The following IKZF1 variants were observed in gnomAD, a reference collection of about 807,000 sequenced individuals.
IKZF1 encodes IKAROS family zinc finger 1.
Under a neutral mutation model 51.7 loss-of-function variants are expected in IKZF1, and 10 were observed. The ratio of observed to expected loss-of-function variants is 0.19; its 90% CI spans 0.12 to 0.33. IKZF1 has a LOEUF of 0.33. Ranked by LOEUF, IKZF1 falls within the 10% of genes least tolerant of loss-of-function variation. IKZF1 has a pLI of 1.00. For missense variants in IKZF1, 484 were observed against 707.5 expected (o/e 0.68, Z 3.58); for synonymous variants, 280 against 282.3 (o/e 0.99, Z 0.08).
chr7:50,399,094 C>T (rs1049821847), intron 7 of IKZF1, among the ~76,000 whole-genome samples: 2 of 152,160 alleles, frequency 1.3e-5, no homozygotes, highest in African/African-American at 2.4e-5. Context: ...ACTGCTGAGG[C>T]GTCAACAGTA....
intron 3 of IKZF1, among the ~76,000 whole-genome samples, chr7:50,338,116 A>G (rs1798220819): frequency 6.6e-6 from 1 of 152,230 alleles, no homozygotes; most frequent in Non-Finnish European, 1.5e-5. Flanking sequence ...ATTGGACCAG[A>G]AAGGTTGAAA....
Position 50,401,132 on chromosome 7 carries a change from C to G in IKZF1, c.*505C>G. On this transcript the variant is annotated 3_prime_UTR_variant, in exon 8 of 8. Transcript: ENST00000331340. ...GTGTGCCGCCACCCAAGTGCCAAGA[C>G]ACAGCAGGGCCAACAACCTGTGCCC... is the stretch of plus-strand genomic sequence containing the variant. The G allele has an allele frequency of 4.0e-6, 1 of 248,832 alleles. No homozygotes were observed. The highest frequency in any genetic ancestry group is 7.7e-6 in the Non-Finnish European group (1 of 129,542). The allele number at this position is 248,832 out of a possible 1,614,324, so 15.4% of individuals were successfully genotyped here. A position where few individuals can be genotyped will look rare whatever the true frequency, so the allele number is the denominator to read the frequency against.
At chr7:50,366,230 C>T (rs1182603187) in intron 3 of IKZF1, among the ~76,000 whole-genome samples, 6 of 151,950 alleles carry the variant, frequency 3.9e-5, no homozygotes, top group Non-Finnish European at 7.4e-5. Flanking sequence ...ATAACAAACC[C>T]GCACATGTAC....
In IKZF1 at chr7:50,317,225, T is replaced by G. The variant is rs1314249307; in HGVS notation, c.-14-1823T>G. Among the ~76,000 whole-genome samples, 3 of 152,376 alleles carry G rather than the reference T, an allele frequency of 2.0e-5. No individual in the cohort carries two copies. The East Asian group carries it at 5.8e-4, about 29-fold the overall frequency. ...ATAGTTGCTGTGACAAGATTTAACT[T>G]CTGTATGCTTCACCAATCAATACAG... On this transcript the variant is annotated intron_variant, in intron 1 of 7. Transcript: ENST00000331340.
At chr7:50,323,118 G>A (rs1259013741) in intron 2 of IKZF1, among the ~76,000 whole-genome samples, 2 of 152,128 alleles carry the variant, frequency 1.3e-5, no homozygotes, top group Non-Finnish European at 2.9e-5. Flanking sequence ...AAATCACATT[G>A]ATTAAATGCT....
intron 2 of IKZF1, among the ~76,000 whole-genome samples, chr7:50,324,149 T>G (rs1794202888): frequency 6.6e-6 from 1 of 152,208 alleles, no homozygotes; most frequent in African/African-American, 2.4e-5. Flanking sequence ...TGGTTTAAAA[T>G]CAGTGCATAA....
intron 3 of IKZF1, among the ~76,000 whole-genome samples, chr7:50,349,140 C>T (rs1008513998): frequency 2.6e-5 from 4 of 152,232 alleles, no homozygotes; most frequent in Non-Finnish European, 5.9e-5. Context: ...GTCATTACCA[C>T]TGTCTAGTGT....
At chr7:50,369,881 A>G (rs1292494842) in intron 3 of IKZF1, among the ~76,000 whole-genome samples, 1 of 152,166 alleles carries the variant, frequency 6.6e-6, no homozygotes, top group Admixed American at 6.5e-5. Flanking sequence ...CTAATAATAT[A>G]CCCTAGTGGG....
intron 3 of IKZF1, among the ~76,000 whole-genome samples, chr7:50,364,897 G>A (rs983562496): frequency 6.6e-6 from 1 of 152,216 alleles, no homozygotes; most frequent in African/African-American, 2.4e-5. Flanking sequence ...AGGGCTAAGA[G>A]GTGTAGCAGT....
intron 3 of IKZF1, among the ~76,000 whole-genome samples, chr7:50,344,859 G>T (rs1048182133): frequency 3.9e-5 from 6 of 152,174 alleles, no homozygotes; most frequent in South Asian, 4.2e-4. Flanking sequence ...AGTAAGAGAT[G>T]AAAATACTTA....
rs776947333 is a variant in IKZF1 at position 50,327,699 on chromosome 7, C to G, written c.102C>G (p.Pro34=). 2 of 1,613,724 alleles carry G rather than the reference C, an allele frequency of 1.2e-6. No individual in the cohort carries two copies. The highest frequency in any genetic ancestry group is 4.5e-5 in the East Asian group (2 of 44,882). ...AGGGCGATGAGCCCATGCCGATCCC[C>G]GAGGACCTCTCCACCACCTCGGGAG... ...PDEGDEPMPI[P]EDLSTTSGGQ... Residue 34 remains proline, a synonymous_variant, in exon 3 of 8, where the codon CCC becomes CCG. Coordinates refer to ENST00000331340, the MANE Select transcript of IKZF1 (RefSeq NM_006060.6).
chr7:50,351,776 T>C (rs1801907041), intron 3 of IKZF1, among the ~76,000 whole-genome samples: 1 of 152,246 alleles, frequency 6.6e-6, no homozygotes, highest in Non-Finnish European at 1.5e-5. Context: ...CTAAATTTTC[T>C]AAACTGCTCA....
chr7:50,319,054 T>C lies in IKZF1; in HGVS notation c.-8T>C. The C allele has an allele frequency of 6.2e-7, 1 of 1,611,592 alleles. No homozygotes were observed. The highest frequency in any genetic ancestry group is 8.5e-7 in the Non-Finnish European group (1 of 1,177,742). ...CCCTTCCTCTCTTTCTCAGATAACC[T>C]GAGGACCATGGATGCTGATGAGGGT... On this transcript the variant is annotated 5_prime_UTR_variant, in exon 2 of 8. Transcript: ENST00000331340.
rs1332684067 is a variant in IKZF1, at chr7:50,391,846, T to C, written c.833T>C (p.Met278Thr). 6.2e-7 allele frequency: 1 copy of C among 1,613,418 alleles called. No individual in the cohort carries two copies. Residue 278 changes from methionine to threonine, a missense_variant, in exon 7 of 8, where the codon ATG becomes ACG. Physicochemically the swap from Met to Thr is moderately conservative, Grantham distance 81. Coordinates refer to ENST00000331340, the MANE Select transcript of IKZF1 (RefSeq NM_006060.6). ...ASNVAKRKSSMPQKFLGDKGL... is the reference protein window; with the variant it reads ...ASNVAKRKSSTPQKFLGDKGL... ...AACGTCGCCAAACGTAAGAGCTCTATGCCTCAGAAATTTCTTGGTAAGAGT... is the reference window on the plus strand; with the variant it reads ...AACGTCGCCAAACGTAAGAGCTCTACGCCTCAGAAATTTCTTGGTAAGAGT...
In IKZF1 at chr7:50,404,471, T is replaced by TC. The variant is rs1414920134; in HGVS notation, c.*3844_*3845insC. On this transcript the variant is annotated 3_prime_UTR_variant, in exon 8 of 8. Transcript: ENST00000331340. ...CTATCCCGTGAAGTCCACACTGGCG[T>TC]AAGAGAAGGCCCAGCAGAGCAGGAA... The TC allele has an allele frequency of 1.3e-5, 3 of 229,584 alleles. No individual in the cohort carries two copies. The highest frequency in any genetic ancestry group is 6.7e-5 in the African/African-American group (3 of 45,096). The allele number at this position is 229,584 out of a possible 1,614,324, so 14.2% of individuals were successfully genotyped here.
chr7:50,326,196 TCAAA>T (rs930669160), intron 2 of IKZF1, among the ~76,000 whole-genome samples: 3 of 152,238 alleles, frequency 2.0e-5, no homozygotes, highest in African/African-American at 7.2e-5. Context: ...GAAGGTTTAT[TCAAA>T]CAAACAAGGA....
chr7:50,382,736 G>A (rs1812197196), intron 5 of IKZF1, 29 bp downstream of exon 5: 1 of 1,584,036 alleles, frequency 6.3e-7, no homozygotes, highest in Non-Finnish European at 8.5e-7. Context: ...GTCCGGGGCT[G>A]TCTGGGTGTC....
At chr7:50,364,506 A>G (rs894623182) in intron 3 of IKZF1, among the ~76,000 whole-genome samples, 7 of 152,240 alleles carry the variant, frequency 4.6e-5, no homozygotes, top group Non-Finnish European at 1.0e-4. Flanking sequence ...TGAATTTACT[A>G]AAGGACAGAG....
At chr7:50,348,408 A>G (rs943307066) in intron 3 of IKZF1, among the ~76,000 whole-genome samples, 4 of 152,200 alleles carry the variant, frequency 2.6e-5, no homozygotes, top group Non-Finnish European at 5.9e-5. Flanking sequence ...TCTCACTTCT[A>G]AAAGGAAAAT....
Sources: gnomAD v4.1 joint callset for allele counts (sites outside exome capture counted in the v4.1 genomes callset) on GRCh38, gnomAD v4.1.1 for gene constraint, MANE v1.5 for transcripts, NCBI Gene and HGNC (gene_info 2026-07-23, HGNC 2026-07-21) for gene names.